Variants in SGCZ observed in about 807,000 individuals in gnomAD.
SGCZ encodes sarcoglycan zeta, also known as zeta-sarcoglycan.
Under a neutral mutation model 41.3 loss-of-function variants are expected in SGCZ, and 40 were observed. The ratio of observed to expected loss-of-function variants is 0.97; its 90% CI spans 0.75 to 1.26. The LOEUF (loss-of-function observed/expected upper bound fraction) is 1.26, where lower values mean the gene tolerates loss of function less well. SGCZ is among the 50% of genes most tolerant of loss of function. The probability of loss-of-function intolerance (pLI) is 0.00; values close to 1 mark genes in which losing one functional copy is unlikely to be tolerated. For synonymous variants in SGCZ, 206 were observed against 137.5 expected, an observed-to-expected ratio of 1.50 and a Z score of -3.49; for missense variants, 552 against 369.8, an observed-to-expected ratio of 1.49 and a Z score of -4.04.
intron 2 of SGCZ, among the ~76,000 whole-genome samples, chr8:14,404,616 G>C (rs1799162054): frequency 6.6e-6 from 1 of 152,124 alleles, no homozygotes; most frequent in South Asian, 2.1e-4. Context: ...GTGACACTGG[G>C]AATTAATAAG....
At chr8:14,489,559 CT>C (rs1801781098) in intron 2 of SGCZ, among the ~76,000 whole-genome samples, 1 of 151,716 alleles carries the variant, frequency 6.6e-6, no homozygotes, top group Admixed American at 6.6e-5. Flanking sequence ...GATGGTCTGG[CT>C]TTTTTAACCC....
chr8:15,162,396 G>C (rs1799536412), intron 1 of SGCZ, among the ~76,000 whole-genome samples: 1 of 152,140 alleles, frequency 6.6e-6, no homozygotes, highest in African/African-American at 2.4e-5. Flanking sequence ...TTAAATTTTA[G>C]ACAACTGATA....
rs531236476 is a variant in SGCZ at position 14,843,896 on chromosome 8, C to T, written c.40-288970G>A. 1.7e-4 allele frequency among the ~76,000 whole-genome samples: 26 copies of T among 151,978 alleles called. No homozygotes were observed. In the South Asian group the frequency reaches 5.4e-3, roughly 32 times the overall value. On this transcript the variant is annotated intron_variant, in intron 1 of 7. Coordinates refer to ENST00000382080, the MANE Select transcript of SGCZ (RefSeq NM_139167.4). ...GTTCAAGAGAAGGCCACCCAAATATCAGCCTCTGATGAACACTGTACTATG... is the reference window on the plus strand; with the variant it reads ...GTTCAAGAGAAGGCCACCCAAATATTAGCCTCTGATGAACACTGTACTATG...
At chr8:14,378,760 T>C (rs1270353914) in intron 2 of SGCZ, among the ~76,000 whole-genome samples, 1 of 152,064 alleles carries the variant, frequency 6.6e-6, no homozygotes, top group East Asian at 1.9e-4. Flanking sequence ...TCCAGGTAAA[T>C]AGTGTCAGAA....
At chr8:14,366,558 A>G (rs999825599) in intron 2 of SGCZ, among the ~76,000 whole-genome samples, 1 of 152,022 alleles carries the variant, frequency 6.6e-6, no homozygotes, top group East Asian at 1.9e-4. Context: ...TAGATCTTAT[A>G]TCCTCACATT....
chr8:15,181,127 T>C (rs996064962), intron 1 of SGCZ, among the ~76,000 whole-genome samples: 3 of 152,010 alleles, frequency 2.0e-5, no homozygotes, highest in Admixed American at 6.6e-5. Context: ...TGAGAAAAAA[T>C]TACACTGTGT....
chr8:14,242,411 C>G (rs945888553), intron 3 of SGCZ, among the ~76,000 whole-genome samples: 3 of 152,164 alleles, frequency 2.0e-5, no homozygotes, highest in Admixed American at 6.5e-5. Context: ...GATTGTAAGA[C>G]AGACAGGGGA....
At chr8:14,281,531 C>T (rs866179703) in intron 3 of SGCZ, among the ~76,000 whole-genome samples, 1 of 151,932 alleles carries the variant, frequency 6.6e-6, no homozygotes, top group Non-Finnish European at 1.5e-5. Context: ...TATACATGCA[C>T]ATTTTGCATG....
chr8:15,101,335 C>T (rs1341950222), intron 1 of SGCZ, among the ~76,000 whole-genome samples: 1 of 152,092 alleles, frequency 6.6e-6, no homozygotes, highest in South Asian at 2.1e-4. Flanking sequence ...TTTTAAAACT[C>T]ATGTCTGATA....
chr8:14,530,731 C>G (rs943594011), intron 2 of SGCZ, among the ~76,000 whole-genome samples: 6 of 151,916 alleles, frequency 3.9e-5, no homozygotes, highest in Non-Finnish European at 7.4e-5. Flanking sequence ...GCTTATAGCC[C>G]CATCTATTCT....
intron 3 of SGCZ, among the ~76,000 whole-genome samples, chr8:14,270,907 T>C (rs1432839209): frequency 6.6e-6 from 1 of 152,080 alleles, no homozygotes; most frequent in Non-Finnish European, 1.5e-5. Context: ...GGGACATGGA[T>C]GAAGCTGGAA....
intron 4 of SGCZ, among the ~76,000 whole-genome samples, chr8:14,233,040 T>A (rs576891961): frequency 8.5e-4 from 130 of 152,080 alleles, no homozygotes; most frequent in Non-Finnish European, 1.4e-3. Flanking sequence ...ATCTCAAAAG[T>A]CATTGGGACT....
chr8:15,160,915 C>A (rs1021017280), intron 1 of SGCZ, among the ~76,000 whole-genome samples: 1 of 152,154 alleles, frequency 6.6e-6, no homozygotes, highest in East Asian at 1.9e-4. Context: ...AGTACACTGG[C>A]GTAATCTGGT....
intron 5 of SGCZ, among the ~76,000 whole-genome samples, chr8:14,154,832 A>G (rs1474750106): frequency 3.3e-5 from 5 of 152,098 alleles, no homozygotes; most frequent in African/African-American, 1.2e-4. Context: ...AGGTGTTCTG[A>G]CAGGTAGTCC....
intron 1 of SGCZ, among the ~76,000 whole-genome samples, chr8:15,068,853 A>G (rs1805247730): frequency 6.6e-6 from 1 of 152,186 alleles, no homozygotes; most frequent in African/African-American, 2.4e-5. Flanking sequence ...GAGTCTAAAT[A>G]TTTGTTGATT....
chr8:14,141,773 C>A (rs996491722), intron 5 of SGCZ, among the ~76,000 whole-genome samples: 6 of 152,166 alleles, frequency 3.9e-5, no homozygotes, highest in African/African-American at 1.4e-4. Flanking sequence ...CCTCAAGGAT[C>A]TAGAACTAGA....
chr8:14,772,349 T>C (rs1045748538), intron 1 of SGCZ, among the ~76,000 whole-genome samples: 1 of 152,146 alleles, frequency 6.6e-6, no homozygotes, highest in South Asian at 2.1e-4. Context: ...TAAGCATTAC[T>C]TTAAAAGTTT....
intron 1 of SGCZ, among the ~76,000 whole-genome samples, chr8:15,135,676 G>A (rs1237453634): frequency 6.6e-6 from 1 of 152,164 alleles, no homozygotes; most frequent in African/African-American, 2.4e-5. Flanking sequence ...AAGTCAAACA[G>A]TGTTTAGACT....
intron 1 of SGCZ, among the ~76,000 whole-genome samples, chr8:14,871,415 A>C (rs1419515618): frequency 6.6e-6 from 1 of 152,180 alleles, no homozygotes; most frequent in Non-Finnish European, 1.5e-5. Flanking sequence ...AAATCATTCT[A>C]CTATAAAGAT....
Sources: allele counts gnomAD v4.1 joint callset (sites outside exome capture counted in the v4.1 genomes callset), GRCh38; gene constraint gnomAD v4.1.1; transcripts MANE v1.5; gene names NCBI Gene and HGNC (gene_info 2026-07-23, HGNC 2026-07-21).